Variants in SLC66A2 observed in about 807,000 individuals in gnomAD.
The protein encoded by SLC66A2 is PQ loop repeat containing 1.
SLC66A2 carries 23 observed loss-of-function variants against 25.5 expected under a neutral mutation model. That is an observed-to-expected ratio of 0.90 (90% CI 0.65 to 1.28). The LOEUF is 1.28. Ranked by LOEUF, SLC66A2 falls within the 50% of genes most tolerant of loss-of-function variation. The pLI is 0.00. For missense variants in SLC66A2, 396 were observed against 373.1 expected (o/e 1.06, Z -0.51); for synonymous variants, 193 against 166.5 (o/e 1.16, Z -1.23).
At chr18:79,923,349 G>T (rs1224567416) in intron 4 of SLC66A2, among the ~76,000 whole-genome samples, 2 of 151,884 alleles carry the variant, frequency 1.3e-5, no homozygotes, top group African/African-American at 2.4e-5. Flanking sequence ...GTGGACAGGT[G>T]GGTCATGCAT....
intron 3 of SLC66A2, among the ~76,000 whole-genome samples, chr18:79,942,154 C>A (rs1987730011): frequency 6.6e-6 from 1 of 152,234 alleles, no homozygotes; most frequent in Admixed American, 6.5e-5. Flanking sequence ...AGCCTGCTTT[C>A]TAGGCAAGAT....
At chr18:79,934,603 A>G (rs1016584367) in intron 3 of SLC66A2, among the ~76,000 whole-genome samples, 5 of 152,240 alleles carry the variant, frequency 3.3e-5, no homozygotes, top group African/African-American at 1.2e-4. Context: ...AGGGCCCAGC[A>G]CTGGCAATGA....
chr18:79,933,990 C>A lies in SLC66A2; in HGVS notation c.370G>T (p.Ala124Ser), dbSNP rs773968258. 2.5e-6 allele frequency: 4 copies of A among 1,612,810 alleles called. No homozygotes were observed. The highest frequency in any genetic ancestry group is 2.5e-6 in the Non-Finnish European group (3 of 1,179,732). ...ADSKDEEVKV[A>S]PRRSFLDFDP... is the part of the protein sequence containing the mutation. The stretch of plus-strand genomic sequence containing the variant: ...ATACCCAGGAAGGACCGCCTGGGGG[C>A]AACCTTGACTTCTTCATCCTTGCTA... Residue 124 changes from alanine (A) to serine (S), a missense_variant, in exon 4 of 6, where the codon GCC becomes TCC. Ala to Ser is a moderately conservative substitution (Grantham distance 99). Coordinates refer to ENST00000397778, the MANE Select transcript of SLC66A2 (RefSeq NM_025078.5).
chr18:79,919,022 G>A (rs971690969), intron 5 of SLC66A2, among the ~76,000 whole-genome samples, 162 bp downstream of exon 5: 4 of 152,262 alleles, frequency 2.6e-5, no homozygotes, highest in African/African-American at 4.8e-5. Flanking sequence ...GCGCGAGGTC[G>A]AGGGGCCAAG....
intron 4 of SLC66A2, among the ~76,000 whole-genome samples, chr18:79,923,415 G>A (rs1985535916): frequency 6.6e-6 from 1 of 152,100 alleles, no homozygotes; most frequent in Non-Finnish European, 1.5e-5. Context: ...CAGGACGCCA[G>A]GTGAGGGTTT....
intron 4 of SLC66A2, among the ~76,000 whole-genome samples, chr18:79,928,493 T>C (rs1246750332): frequency 6.6e-6 from 1 of 152,138 alleles, no homozygotes; most frequent in African/African-American, 2.4e-5. Flanking sequence ...ACAGACCCTC[T>C]CCAGCAACAT....
intron 5 of SLC66A2, among the ~76,000 whole-genome samples, chr18:79,914,753 C>A (rs1983741915): frequency 6.6e-6 from 1 of 152,252 alleles, no homozygotes; most frequent in South Asian, 2.1e-4. Context: ...GCAGGGCCCA[C>A]AGGCCCAAAG....
In SLC66A2 at chr18:79,940,588, G is replaced by C. The variant is rs369065376; in HGVS notation, c.337+2741C>G. ...AGGCTGGCCACCTTGCTTGGCATGG[G>C]GCTGTGCTGCAGGAGCTACCGATCG... On this transcript the variant is annotated intron_variant, in intron 3 of 5. Coordinates refer to ENST00000397778, the MANE Select transcript of SLC66A2 (RefSeq NM_025078.5). The surrounding 1 kb of genome is among the most constrained non-coding windows in gnomAD (Gnocchi z 4.1). Among the ~76,000 whole-genome samples, 122 of 152,236 alleles carry C rather than the reference G, an allele frequency of 8.0e-4. 2 individuals carry two copies. The highest frequency in any genetic ancestry group is 2.9e-3 in the African/African-American group (119 of 41,540).
chr18:79,921,783 C>A (rs1985231324), intron 4 of SLC66A2, among the ~76,000 whole-genome samples: 1 of 82,062 alleles, frequency 1.2e-5, no homozygotes. Flanking sequence ...AGGGAGAGGT[C>A]AAGGTCAGTG....
rs754300691 is a variant in SLC66A2, at chr18:79,934,019, G to T, written c.341C>A (p.Ala114Glu). 6 of 1,611,806 alleles carry T rather than the reference G, an allele frequency of 3.7e-6. No individual in the cohort carries two copies. Among genetic ancestry groups the T allele is most frequent in the Non-Finnish European group, 4.2e-6 (5 of 1,179,346 alleles). Residue 114 changes from alanine (A) to glutamate (E), a missense_variant, in exon 4 of 6, where the codon GCA becomes GAA. Transcript: ENST00000397778. ...CTTGACTTCTTCATCCTTGCTATCT[G>T]CAGCTACACGTTAAAAAGGGAGACA... ...LNARRRSFTA[A>E]DSKDEEVKVA...
intron 5 of SLC66A2, among the ~76,000 whole-genome samples, chr18:79,913,576 T>C (rs1054713033): frequency 2.6e-5 from 4 of 152,246 alleles, no homozygotes; most frequent in African/African-American, 9.6e-5. Flanking sequence ...GTGGAAACCG[T>C]GTGTGCATCG....
At position 79,937,254 on chromosome 18, in the gene SLC66A2, G is replaced by T. The variant is rs1022724144; in HGVS notation, c.338-3232C>A. Among the ~76,000 whole-genome samples, 4 of 152,170 alleles carry T rather than the reference G, an allele frequency of 2.6e-5. No homozygotes were observed. On this transcript the variant is annotated intron_variant, in intron 3 of 5. Coordinates refer to ENST00000397778, the MANE Select transcript of SLC66A2 (RefSeq NM_025078.5). The surrounding 1 kb of genome is among the most constrained non-coding windows in gnomAD (Gnocchi z 5.4). Reference sequence around the variant, plus strand: ...TTCTAGGTCTGGGGCAGGAGATGTAGCCGCCACACGAGCACCCTGTTATAC... The same window carrying T: ...TTCTAGGTCTGGGGCAGGAGATGTATCCGCCACACGAGCACCCTGTTATAC...
intron 3 of SLC66A2, among the ~76,000 whole-genome samples, chr18:79,936,455 T>G (rs1987096447): frequency 6.6e-6 from 1 of 152,224 alleles, no homozygotes; most frequent in South Asian, 2.1e-4. Flanking sequence ...TCCACAGTTG[T>G]GCAAACACCA....
Position 79,903,808 on chromosome 18 carries a change from C to A in SLC66A2, c.*168G>T. On this transcript the variant is annotated 3_prime_UTR_variant, in exon 6 of 6. Transcript: ENST00000397778. The stretch of plus-strand genomic sequence containing the variant: ...GAGCACAAACAGCGTCCCAGCCCCA[C>A]CCCCACTGCCCACCCTGAGACACCC... 1.7e-6 allele frequency: 1 copy of A among 582,766 alleles called. No individual in the cohort carries two copies. The highest frequency in any genetic ancestry group is 2.9e-6 in the Non-Finnish European group (1 of 339,698). 36.1% of individuals were successfully genotyped at this position (582,766 alleles called of 1,614,324 possible).
At position 79,916,131 on chromosome 18, in the gene SLC66A2, A is replaced by G. The variant is rs1278395948; in HGVS notation, c.608+3053T>C. ...AGTGCTCCCGTACCCTCCCATACCC[A>G]CGGTGCTCCCGTACCCGCGGCGCTC... On this transcript the variant is annotated intron_variant, in intron 5 of 5. Transcript: ENST00000397778. 2.0e-3 allele frequency among the ~76,000 whole-genome samples: 182 copies of G among 88,996 alleles called. 3 individuals carry two copies. The highest frequency in any genetic ancestry group is 0.022 in the Middle Eastern group (2 of 90). The allele number at this position is 88,996 out of a possible 152,430, so 58.4% of individuals were successfully genotyped here.
chr18:79,939,188 G>A (rs181983218), intron 3 of SLC66A2, among the ~76,000 whole-genome samples: 10 of 152,214 alleles, frequency 6.6e-5, no homozygotes, highest in Admixed American at 1.3e-4. Flanking sequence ...AAACATTTCC[G>A]CTTTTATTTC....
intron 1 of SLC66A2, 49 bp from the exon 2 acceptor site, chr18:79,951,074 G>A: frequency 2.0e-6 from 1 of 510,272 alleles, no homozygotes; most frequent in Non-Finnish European, 3.0e-6. Context: ...AGGCTGGGGC[G>A]GCGCGCACGG....
intron 5 of SLC66A2, among the ~76,000 whole-genome samples, chr18:79,916,873 C>G (rs1984237637): frequency 6.6e-6 from 1 of 152,258 alleles, no homozygotes; most frequent in African/African-American, 2.4e-5. Context: ...GTCATGGAAC[C>G]CTAACATGGC....
At chr18:79,922,785 T>G (rs1221160791) in intron 4 of SLC66A2, among the ~76,000 whole-genome samples, 3 of 117,824 alleles carry the variant, frequency 2.5e-5, no homozygotes, top group Non-Finnish European at 5.3e-5. Flanking sequence ...TGGGAGGCGG[T>G]GAGGTCGAGG....
Sources: gnomAD v4.1 joint callset for allele counts (sites outside exome capture counted in the v4.1 genomes callset) on GRCh38, gnomAD v4.1.1 for gene constraint, Gnocchi (gnomAD v3.1) non-coding constraint, MANE v1.5 for transcripts, NCBI Gene and HGNC (gene_info 2026-07-23, HGNC 2026-07-21) for gene names.